The following PRDM2 variants were observed in gnomAD, a reference collection of about 807,000 sequenced individuals.
PRDM2 encodes PR/SET domain 2.
In PRDM2, 30 loss-of-function variants were observed where a neutral mutation model predicts 130.0. The ratio of observed to expected loss-of-function variants is 0.23; its 90% CI spans 0.17 to 0.31. The LOEUF (loss-of-function observed/expected upper bound fraction) is 0.31. PRDM2 is among the 10% of genes least tolerant of loss of function. PRDM2 has a pLI of 1.00. For synonymous variants in PRDM2, 871 were observed against 782.4 expected (o/e 1.11, Z -1.89); for missense variants, 2,011 against 2,108.4 (o/e 0.95, Z 0.90).
At chr1:13,735,875 C>T (rs546269943) in intron 4 of PRDM2, among the ~76,000 whole-genome samples, 1 of 152,246 alleles carries the variant, frequency 6.6e-6, no homozygotes, top group African/African-American at 2.4e-5. Context: ...ATCATTGAAA[C>T]TCCTATCATC....
At chr1:13,748,209 T>C (rs529017026) in intron 5 of PRDM2, among the ~76,000 whole-genome samples, 8 of 152,374 alleles carry the variant, frequency 5.3e-5, no homozygotes, top group African/African-American at 1.9e-4. Flanking sequence ...TTTTTTTTCT[T>C]TTGTAATTAA....
intron 6 of PRDM2, among the ~76,000 whole-genome samples, chr1:13,772,378 T>G (rs1213028949): frequency 6.6e-6 from 1 of 152,254 alleles, no homozygotes; most frequent in Non-Finnish European, 1.5e-5. Flanking sequence ...CAATTTAATC[T>G]TACCTTGTAA....
At chr1:13,758,304 C>T (rs1231401777) in intron 6 of PRDM2, among the ~76,000 whole-genome samples, 1 of 151,806 alleles carries the variant, frequency 6.6e-6, no homozygotes, top group African/African-American at 2.4e-5. Flanking sequence ...ATTAGCTGGG[C>T]GTGGTGGTGG....
chr1:13,750,612 T>C (rs1218852625), intron 6 of PRDM2, among the ~76,000 whole-genome samples: 1 of 152,156 alleles, frequency 6.6e-6, no homozygotes, highest in African/African-American at 2.4e-5. Context: ...GTATTCTTTG[T>C]ATGTCACCAC....
chr1:13,791,837 C>T (rs1192480664), intron 8 of PRDM2, among the ~76,000 whole-genome samples: 1 of 152,168 alleles, frequency 6.6e-6, no homozygotes. Context: ...TTTGCACATG[C>T]CTGCATTTCT....
chr1:13,715,759 C>T, intron 2 of PRDM2, 145 bp downstream of exon 2: 3 of 693,470 alleles, frequency 4.3e-6, no homozygotes, highest in South Asian at 5.0e-5. Context: ...TCATTGTGTT[C>T]ATACCGTGCA....
chr1:13,786,885 A>C, intron 8 of PRDM2: 2 of 1,038,940 alleles, frequency 1.9e-6, no homozygotes, highest in Non-Finnish European at 2.3e-6. Flanking sequence ...TAACCTTGCA[A>C]AGCAAGTTGC....
chr1:13,808,732 T>C (rs1645125622), intron 8 of PRDM2, among the ~76,000 whole-genome samples: 1 of 152,188 alleles, frequency 6.6e-6, no homozygotes, highest in Admixed American at 6.5e-5. Flanking sequence ...CACGCACAGT[T>C]AGGTACTAAG....
In PRDM2 at chr1:13,823,423, G is replaced by C. The variant is rs1234059841; in HGVS notation, c.*288G>C. On this transcript the variant is annotated 3_prime_UTR_variant, in exon 10 of 10. Coordinates refer to ENST00000311066, the MANE Select transcript of PRDM2 (RefSeq NM_001393986.1). ...ATACTTGGATGCAGCTCTTGGGACC[G>C]TGTTCTGCAGCCCAGCCTTCCTGTT... 7.2e-6 allele frequency: 4 copies of C among 552,774 alleles called. No homozygotes were observed. The highest frequency in any genetic ancestry group is 5.7e-5 in the African/African-American group (3 of 52,574). 34.2% of individuals were successfully genotyped at this position (552,774 alleles called of 1,614,324 possible).
rs576546123 is a variant in PRDM2 at position 13,763,781 on chromosome 1, T to C, written c.512-9297T>C. Among the ~76,000 whole-genome samples, 10 of 152,284 alleles carry C rather than the reference T, an allele frequency of 6.6e-5. No homozygotes were observed. In the South Asian group the frequency reaches 1.5e-3, roughly 22 times the overall value. On this transcript the variant is annotated intron_variant, in intron 6 of 9. Coordinates refer to ENST00000311066, the MANE Select transcript of PRDM2 (RefSeq NM_001393986.1). ...GTAACCAAGTGCTCATCTGAGAAAA[T>C]ACAATCAGATAGAAATATCATACCC...
intron 7 of PRDM2, among the ~76,000 whole-genome samples, chr1:13,777,013 C>G (rs988853938): frequency 1.3e-5 from 2 of 152,164 alleles, no homozygotes; most frequent in Non-Finnish European, 2.9e-5. Context: ...ACTTGGATGT[C>G]TATAATCAGG....
At chr1:13,761,281 T>C (rs1644091021) in intron 6 of PRDM2, among the ~76,000 whole-genome samples, 1 of 152,234 alleles carries the variant, frequency 6.6e-6, no homozygotes, top group Admixed American at 6.5e-5. Context: ...TATTAAATTA[T>C]CAGACAGCCC....
intron 5 of PRDM2, among the ~76,000 whole-genome samples, chr1:13,747,360 C>T (rs999522801): frequency 6.6e-6 from 1 of 152,226 alleles, no homozygotes; most frequent in South Asian, 2.1e-4. Context: ...TTGGAATTTA[C>T]ACAATCTAGA....
chr1:13,703,577 G>A (rs1036732584), intron 1 of PRDM2, among the ~76,000 whole-genome samples: 3 of 152,248 alleles, frequency 2.0e-5, no homozygotes, highest in Non-Finnish European at 1.5e-5. Flanking sequence ...CTTTTGCTTC[G>A]GCATCAGTTT....
intron 6 of PRDM2, among the ~76,000 whole-genome samples, chr1:13,756,778 A>G (rs970336998): frequency 6.6e-6 from 1 of 152,204 alleles, no homozygotes; most frequent in Admixed American, 6.5e-5. Context: ...TGATGGTGAC[A>G]ATGACAGCAG....
intron 8 of PRDM2, among the ~76,000 whole-genome samples, chr1:13,810,823 T>TC: frequency 6.6e-6 from 1 of 152,176 alleles, no homozygotes; most frequent in East Asian, 1.9e-4. Context: ...GACTTTGTGC[T>TC]CCTTAGGGAC....
chr1:13,706,108 T>C (rs984825152), intron 1 of PRDM2, among the ~76,000 whole-genome samples: 13 of 152,228 alleles, frequency 8.5e-5, no homozygotes, highest in Non-Finnish European at 1.5e-4. Context: ...CATTCCAATT[T>C]TGGGACTCAT....
In PRDM2 at chr1:13,778,611, G is replaced by A; in HGVS notation, c.816G>A (p.Glu272=). Residue 272 remains glutamate (E), a synonymous_variant, in exon 8 of 10, where the codon GAG becomes GAA. Transcript: ENST00000311066. ...ATGATTTGGGGGAAGAGGAGGAGGA[G>A]GAAGAGGAGGAGGATGAAGAAGAAG... is the stretch of plus-strand genomic sequence containing the variant. ...EVNDLGEEEE[E]EEEEDEEEEE... 1 of 1,613,478 alleles carries A rather than the reference G, an allele frequency of 6.2e-7. No homozygotes were observed. The highest frequency in any genetic ancestry group is 8.5e-7 in the Non-Finnish European group (1 of 1,179,512).
chr1:13,813,877 C>T (rs1441524065), intron 8 of PRDM2, among the ~76,000 whole-genome samples: 1 of 152,224 alleles, frequency 6.6e-6, no homozygotes, highest in African/African-American at 2.4e-5. Flanking sequence ...GGAGCGGAGA[C>T]ACACTGGCTG....
Sources: gnomAD v4.1 joint callset for allele counts (sites outside exome capture counted in the v4.1 genomes callset) on GRCh38, gnomAD v4.1.1 for gene constraint, MANE v1.5 for transcripts, NCBI Gene and HGNC (gene_info 2026-07-23, HGNC 2026-07-21) for gene names.